The following KAZN variants were observed in gnomAD, a reference collection of about 807,000 sequenced individuals.
KAZN encodes the protein kazrin, periplakin interacting protein, also known as kazrin.
In KAZN, 40 loss-of-function variants were observed where a neutral mutation model predicts 87.4. That is an observed-to-expected ratio of 0.46 (90% CI 0.36 to 0.60). The LOEUF is 0.60. Ranked by LOEUF, KAZN falls within the 20% of genes least tolerant of loss-of-function variation. The pLI is 0.00. For missense variants in KAZN, 898 were observed against 1,073.9 expected, an observed-to-expected ratio of 0.84 and a Z score of 2.29; for synonymous variants, 466 against 458.3, an observed-to-expected ratio of 1.02 and a Z score of -0.22.
chr1:15,101,441 C>A, intron 10 of KAZN, 102 bp from the exon 11 acceptor site: 1 of 754,962 alleles, frequency 1.3e-6, no homozygotes, highest in Non-Finnish European at 2.2e-6. Flanking sequence ...CCCCCAACCC[C>A]ATTGCTTTTC....
intron 8 of KAZN, among the ~76,000 whole-genome samples, chr1:15,089,732 C>CAAAAAAAAAAAAA (rs56260619): frequency 1.2e-4 from 8 of 68,920 alleles, no homozygotes; most frequent in Non-Finnish European, 2.4e-4. Flanking sequence ...CTTTTATTGG[C>CAAAAAAAAAAAAA]AAAAAAAAAA....
intron 2 of KAZN, among the ~76,000 whole-genome samples, chr1:14,974,284 G>T (rs1665384666): frequency 6.6e-6 from 1 of 152,122 alleles, no homozygotes; most frequent in Non-Finnish European, 1.5e-5. Context: ...CACTATAAAA[G>T]GCATGTGGCA....
chr1:14,216,731 C>A (rs755162179), intron 2 of KAZN, among the ~76,000 whole-genome samples: 1 of 152,100 alleles, frequency 6.6e-6, no homozygotes, highest in East Asian at 1.9e-4. Context: ...GGCAAAACCC[C>A]GTCTCTACTA....
intron 1 of KAZN, among the ~76,000 whole-genome samples, chr1:14,098,122 G>T (rs1644169834): frequency 6.6e-6 from 1 of 152,078 alleles, no homozygotes; most frequent in Admixed American, 6.6e-5. Context: ...CCAGCAAAGG[G>T]CTGGAGCTCT....
intron 1 of KAZN, among the ~76,000 whole-genome samples, chr1:14,069,194 A>T (rs573298596): frequency 1.5e-4 from 23 of 152,342 alleles, no homozygotes; most frequent in East Asian, 1.3e-3. Context: ...GCAGGATGGA[A>T]CCTGGTAAGT....
At chr1:15,063,518 C>A in intron 6 of KAZN, 54 bp from the exon 7 acceptor site, 1 of 1,516,956 alleles carries the variant, frequency 6.6e-7, no homozygotes, top group Non-Finnish European at 9.2e-7. Context: ...CGCCTCTGCT[C>A]TCCTGTGTCA....
chr1:14,420,482 G>A (rs1251250078), intron 2 of KAZN, among the ~76,000 whole-genome samples: 1 of 152,140 alleles, frequency 6.6e-6, no homozygotes, highest in Non-Finnish European at 1.5e-5. Context: ...CCCGCACCAT[G>A]CACCCACACT....
chr1:14,856,537 T>C lies in KAZN; in HGVS notation c.227-104147T>C, dbSNP rs914901983. 6.6e-6 allele frequency among the ~76,000 whole-genome samples: 1 copy of C among 152,224 alleles called. No individual in the cohort carries two copies. The highest frequency in any genetic ancestry group is 1.5e-5 in the Non-Finnish European group (1 of 68,036). On this transcript the variant is annotated intron_variant, in intron 1 of 14. Transcript: ENST00000376030. This position sits in a 1 kb window ranked among gnomAD's most constrained non-coding sequence, Gnocchi z 5.2. The stretch of plus-strand genomic sequence containing the variant: ...CCAGGAAGGTCACATAAATGCTCAT[T>C]AATATGAACACTATGTTCATTAGTA...
chr1:15,114,667 G>C lies in KAZN; in HGVS notation c.*32G>C. The C allele has an allele frequency of 6.4e-7, 1 of 1,556,270 alleles. No homozygotes were observed. The highest frequency in any genetic ancestry group is 8.7e-7 in the Non-Finnish European group (1 of 1,149,716). ...GGTGGCTCCACCAGACCCAACGTGAGAGACCCAGGAAGGAAGAGAAGCCAG... is the reference window on the plus strand; with the variant it reads ...GGTGGCTCCACCAGACCCAACGTGACAGACCCAGGAAGGAAGAGAAGCCAG... On this transcript the variant is annotated 3_prime_UTR_variant, in exon 15 of 15. Coordinates refer to ENST00000376030, the MANE Select transcript of KAZN (RefSeq NM_201628.3).
chr1:14,691,853 C>T (rs1237811917), intron 1 of KAZN, among the ~76,000 whole-genome samples: 16 of 151,978 alleles, frequency 1.1e-4, no homozygotes, highest in Admixed American at 8.5e-4. Context: ...GCTCTCCATC[C>T]AGCAAGCACC....
chr1:14,921,428 C>T (rs57872446), intron 1 of KAZN, among the ~76,000 whole-genome samples: 40,420 of 152,096 alleles, frequency 0.27, 5,739 homozygotes, highest in African/African-American at 0.34. Flanking sequence ...TCCTCCCTTT[C>T]CTTCTTAAGT....
chr1:14,819,208 T>A (rs1262985406), intron 1 of KAZN, among the ~76,000 whole-genome samples: 1 of 152,160 alleles, frequency 6.6e-6, no homozygotes, highest in African/African-American at 2.4e-5. Flanking sequence ...CTCGTTCAAT[T>A]TACCTTAAAT....
chr1:14,294,015 C>G (rs758085471), intron 2 of KAZN, among the ~76,000 whole-genome samples: 1 of 152,176 alleles, frequency 6.6e-6, no homozygotes, highest in Non-Finnish European at 1.5e-5. Flanking sequence ...CATGAACTAA[C>G]TTTTCTCCTC....
chr1:14,340,641 A>G (rs1313452348), intron 2 of KAZN, among the ~76,000 whole-genome samples: 1 of 152,206 alleles, frequency 6.6e-6, no homozygotes, highest in Non-Finnish European at 1.5e-5. Context: ...TAGATAACTG[A>G]TAACAAGGCA....
At chr1:14,618,186 T>C (rs1678402157) in intron 1 of KAZN, among the ~76,000 whole-genome samples, 1 of 152,216 alleles carries the variant, frequency 6.6e-6, no homozygotes, top group African/African-American at 2.4e-5. Flanking sequence ...GTGTGTCCCA[T>C]GTCCATGGAA....
intron 2 of KAZN, among the ~76,000 whole-genome samples, chr1:14,414,320 T>G (rs1282011670): frequency 1.3e-5 from 2 of 150,584 alleles, no homozygotes; most frequent in African/African-American, 4.9e-5. Flanking sequence ...CAAAGAGTAT[T>G]TACTGCAGCA....
intron 1 of KAZN, among the ~76,000 whole-genome samples, chr1:14,730,817 C>T (rs1461751143): frequency 2.6e-5 from 4 of 152,158 alleles, no homozygotes; most frequent in African/African-American, 9.7e-5. Flanking sequence ...CAGTAAGTGG[C>T]AGAGCTGGGA....
rs1161634791 is a variant in KAZN, at chr1:15,112,451, G to A, written c.2073G>A (p.Glu691=). Residue 691 remains glutamate, a synonymous_variant, in exon 14 of 15, where the codon GAG becomes GAA. Coordinates refer to ENST00000376030, the MANE Select transcript of KAZN (RefSeq NM_201628.3). ...GCTCCACAGGCATCCGGGAGGCTGA[G>A]CGTTTTGGAACGCCCCCTGGCAGGG... ...PANSTGIREA[E]RFGTPPGRAS... 1.4e-5 allele frequency: 23 copies of A among 1,604,520 alleles called. No individual in the cohort carries two copies. The highest frequency in any genetic ancestry group is 1.9e-5 in the Non-Finnish European group (22 of 1,176,168).
intron 1 of KAZN, among the ~76,000 whole-genome samples, chr1:14,057,677 G>A (rs892911126): frequency 6.6e-6 from 1 of 152,186 alleles, no homozygotes; most frequent in Non-Finnish European, 1.5e-5. Flanking sequence ...AGTTCCTAAG[G>A]CCCCGATAGG....
Sources: allele counts gnomAD v4.1 joint callset (sites outside exome capture counted in the v4.1 genomes callset), GRCh38; gene constraint gnomAD v4.1.1; non-coding constraint Gnocchi (gnomAD v3.1); transcripts MANE v1.5; gene names NCBI Gene and HGNC (gene_info 2026-07-23, HGNC 2026-07-21).